THEMIS2: variants seen among roughly 807,000 people sequenced by gnomAD.
THEMIS2 encodes the protein protein THEMIS2.
THEMIS2 carries 29 observed loss-of-function variants against 46.8 expected under a neutral mutation model. The ratio of observed to expected loss-of-function variants is 0.62; its 90% CI spans 0.46 to 0.84. The LOEUF (loss-of-function observed/expected upper bound fraction) is 0.84. THEMIS2 is among the 40% of genes least tolerant of loss of function. The pLI is 0.00. For missense variants in THEMIS2, 698 were observed against 834.7 expected, an observed-to-expected ratio of 0.84 and a Z score of 2.02; for synonymous variants, 335 against 349.1, an observed-to-expected ratio of 0.96 and a Z score of 0.45.
At chr1:27,876,002 C>T (rs1197945280) in intron 1 of THEMIS2, among the ~76,000 whole-genome samples, 1 of 152,012 alleles carries the variant, frequency 6.6e-6, no homozygotes, top group Non-Finnish European at 1.5e-5. Flanking sequence ...GCGCCCAACC[C>T]TCACTTACAC....
In THEMIS2 at chr1:27,885,460, C is replaced by T. The variant is rs757368674; in HGVS notation, c.1876+9C>T. The T allele has an allele frequency of 4.3e-6, 7 of 1,611,890 alleles. No individual in the cohort carries two copies. The Admixed American group carries it at 1.2e-4, about 27-fold the overall frequency. On this transcript the variant is annotated intron_variant, in intron 5 of 5. Transcript: ENST00000373921. ...CCAAAGGCAGGATCTAGGTGAGTCC[C>T]TGTGGGCGCTGCTCACCCTTGTCCT...
intron 4 of THEMIS2, chr1:27,884,959 T>C: frequency 4.6e-6 from 1 of 218,934 alleles, no homozygotes; most frequent in Middle Eastern, 2.0e-3. Flanking sequence ...CACAAGGCTT[T>C]GTGGCTCCTT....
rs2089775728 is a variant in THEMIS2, at chr1:27,886,543, C to T, written c.*621C>T. On this transcript the variant is annotated 3_prime_UTR_variant, in exon 6 of 6. Coordinates refer to ENST00000373921, the MANE Select transcript of THEMIS2 (RefSeq NM_001105556.3). ...ATGAGGAGGAGCCAATTTAAGAAGA[C>T]CCTTATGGAGACCTGAGGCTGCAGA... 6.6e-6 allele frequency: 1 copy of T among 152,224 alleles called. No homozygotes were observed. The highest frequency in any genetic ancestry group is 2.0e-4 in the South Asian group (1 of 4,898). 9.4% of individuals were successfully genotyped at this position (152,224 alleles called of 1,614,324 possible).
At chr1:27,877,576 C>T (rs1288892232) in intron 2 of THEMIS2, among the ~76,000 whole-genome samples, 1 of 152,082 alleles carries the variant, frequency 6.6e-6, no homozygotes, top group East Asian at 2.0e-4. Flanking sequence ...ATCTGCCCGC[C>T]TTGGCCTCCC....
In THEMIS2 at chr1:27,872,610, G is replaced by T; in HGVS notation, c.39G>T (p.Leu13Phe). 1 of 1,483,394 alleles carries T rather than the reference G, an allele frequency of 6.7e-7. No homozygotes were observed. The allele number at this position is 1,483,394 out of a possible 1,614,324, so 91.9% of individuals were successfully genotyped here. A position where few individuals can be genotyped will look rare whatever the true frequency, so the allele number is the denominator to read the frequency against. ...PVPLQDFVRALDPASLPRVLR... is the reference protein window; with the variant it reads ...PVPLQDFVRAFDPASLPRVLR... ...CGCTGCAGGACTTCGTGCGCGCCTTGGACCCCGCCTCCCTCCCGCGCGTGC... is the reference window on the plus strand; with the variant it reads ...CGCTGCAGGACTTCGTGCGCGCCTTTGACCCCGCCTCCCTCCCGCGCGTGC... The change falls in exon 1 of 6, where the codon TTG becomes TTT. Residue 13 changes from leucine to phenylalanine, a missense_variant. Coordinates refer to ENST00000373921, the MANE Select transcript of THEMIS2 (RefSeq NM_001105556.3). The surrounding 1 kb of genome is among the most constrained non-coding windows in gnomAD (Gnocchi z 4.9).
In THEMIS2 at chr1:27,885,409, A is replaced by G. The variant is rs200906638; in HGVS notation, c.1834A>G (p.Arg612Gly). 1.2e-4 allele frequency: 199 copies of G among 1,614,172 alleles called. No individual in the cohort carries two copies. The East Asian group carries it at 4.1e-3, about 33-fold the overall frequency. Residue 612 changes from arginine to glycine, a missense_variant, in exon 5 of 6, where the codon AGG becomes GGG. Transcript: ENST00000373921. ...TACGTACAGCAAGATTCCTGCCCAC[A>G]GGAAGGGCCACAGGCCCGCTAAGCC... ...SSTYSKIPAHRKGHRPAKPQR... is the reference protein window; with the variant it reads ...SSTYSKIPAHGKGHRPAKPQR...
At chr1:27,877,995 C>CA (rs2089610932) in intron 2 of THEMIS2, among the ~76,000 whole-genome samples, 1 of 151,266 alleles carries the variant, frequency 6.6e-6, no homozygotes, top group African/African-American at 2.4e-5. Flanking sequence ...GCTAAAAATA[C>CA]AAAAATTAGC....
In THEMIS2 at chr1:27,886,009, C is replaced by A. The variant is rs2148645880; in HGVS notation, c.*87C>A. 1.5e-6 allele frequency: 2 copies of A among 1,308,314 alleles called. No individual in the cohort carries two copies. Among genetic ancestry groups the A allele is most frequent in the Non-Finnish European group, 2.2e-6 (2 of 908,920 alleles). 81.0% of individuals were successfully genotyped at this position (1,308,314 alleles called of 1,614,324 possible). A position where few individuals can be genotyped will look rare whatever the true frequency, so the allele number is the denominator to read the frequency against. Reference sequence around the variant, plus strand: ...TTTTAAGCCTCTAAAAGACCTCGGGCAAGTCTCACAGAAACTGAGCTGCAG... The same window carrying A: ...TTTTAAGCCTCTAAAAGACCTCGGGAAAGTCTCACAGAAACTGAGCTGCAG... On this transcript the variant is annotated 3_prime_UTR_variant, in exon 6 of 6. Coordinates refer to ENST00000373921, the MANE Select transcript of THEMIS2 (RefSeq NM_001105556.3).
At chr1:27,881,625 C>G (rs367879971) in intron 3 of THEMIS2, among the ~76,000 whole-genome samples, 1 of 151,372 alleles carries the variant, frequency 6.6e-6, no homozygotes, top group Admixed American at 6.6e-5. Context: ...GACAGGAGTT[C>G]GAGACCAGCC....
At position 27,882,852 on chromosome 1, in the gene THEMIS2, G is replaced by C. The variant is rs771374926; in HGVS notation, c.1528G>C (p.Val510Leu). The C allele has an allele frequency of 6.2e-6, 10 of 1,613,764 alleles. No homozygotes were observed. In the East Asian group the frequency reaches 2.2e-4, roughly 36 times the overall value. ...IPPRWLDLTV[V>L]KAKGQPDLPE... ...TCCCCGGTGGCTGGACCTGACTGTT[G>C]TGAAGGCCAAGGGGCAGCCAGACTT... Residue 510 changes from valine (V) to leucine (L), a missense_variant, in exon 4 of 6, where the codon GTG becomes CTG. Coordinates refer to ENST00000373921, the MANE Select transcript of THEMIS2 (RefSeq NM_001105556.3). This position sits in a 1 kb window ranked among gnomAD's most constrained non-coding sequence, Gnocchi z 7.6.
chr1:27,872,613 C>T lies in THEMIS2; in HGVS notation c.42C>T (p.Asp14=), dbSNP rs762667843. ...VPLQDFVRAL[D]PASLPRVLRV... ...TGCAGGACTTCGTGCGCGCCTTGGA[C>T]CCCGCCTCCCTCCCGCGCGTGCTGC... Residue 14 remains aspartate, a synonymous_variant, in exon 1 of 6, where the codon GAC becomes GAT. Coordinates refer to ENST00000373921, the MANE Select transcript of THEMIS2 (RefSeq NM_001105556.3). The surrounding 1 kb of genome is among the most constrained non-coding windows in gnomAD (Gnocchi z 4.9). The T allele has an allele frequency of 6.8e-7, 1 of 1,479,686 alleles. No individual in the cohort carries two copies. The highest frequency in any genetic ancestry group is 9.0e-7 in the Non-Finnish European group (1 of 1,116,008). The allele number at this position is 1,479,686 out of a possible 1,614,324, so 91.7% of individuals were successfully genotyped here. A position where few individuals can be genotyped will look rare whatever the true frequency, so the allele number is the denominator to read the frequency against.
Position 27,885,757 on chromosome 1 carries a change from G to A in THEMIS2, c.1877-110G>A, listed in dbSNP as rs1419738450. On this transcript the variant is annotated intron_variant, in intron 5 of 5. Coordinates refer to ENST00000373921, the MANE Select transcript of THEMIS2 (RefSeq NM_001105556.3). ...CGTGGTTTCTAGGCTAGCAAAGACC[G>A]TAGGGCATCCAGGCCACCTCTTTCC... The A allele has an allele frequency of 3.5e-5, 38 of 1,092,616 alleles. No homozygotes were observed. In the East Asian group the frequency reaches 7.9e-4, roughly 23 times the overall value. The allele number at this position is 1,092,616 out of a possible 1,614,324, so 67.7% of individuals were successfully genotyped here.
At chr1:27,875,801 C>T (rs989661694) in intron 1 of THEMIS2, among the ~76,000 whole-genome samples, 3 of 151,950 alleles carry the variant, frequency 2.0e-5, no homozygotes, top group Admixed American at 2.0e-4. Flanking sequence ...CCCGGGTTCA[C>T]GCCATTCTCC....
At chr1:27,878,646 A>G (rs991466306) in intron 2 of THEMIS2, among the ~76,000 whole-genome samples, 2 of 151,820 alleles carry the variant, frequency 1.3e-5, no homozygotes, top group African/African-American at 4.8e-5. Flanking sequence ...AATTGCAGAC[A>G]TGTTCCCTTT....
At chr1:27,881,129 G>A (rs552584408) in intron 3 of THEMIS2, among the ~76,000 whole-genome samples, 1 of 151,468 alleles carries the variant, frequency 6.6e-6, no homozygotes, top group East Asian at 1.9e-4. Context: ...AATACTTGGA[G>A]GAAAAAAAAT....
In THEMIS2 at chr1:27,872,858, C is replaced by T. The variant is rs61787159; in HGVS notation, c.94+193C>T. 0.081 allele frequency among the ~76,000 whole-genome samples: 12,257 copies of T among 152,246 alleles called. 536 individuals carry two copies. The highest frequency in any genetic ancestry group is 0.1 in the Admixed American group (1,533 of 15,292). On this transcript the variant is annotated intron_variant, in intron 1 of 5. Coordinates refer to ENST00000373921, the MANE Select transcript of THEMIS2 (RefSeq NM_001105556.3). The surrounding 1 kb of genome is among the most constrained non-coding windows in gnomAD (Gnocchi z 4.9). ...GCTTTTGCTTTCGTGGAACGGGGAC[C>T]GCTGACCTGCCCCGCAGGGTAGTGA... is the stretch of plus-strand genomic sequence containing the variant.
intron 1 of THEMIS2, among the ~76,000 whole-genome samples, chr1:27,873,980 G>A (rs898636520): frequency 1.3e-5 from 2 of 151,458 alleles, no homozygotes; most frequent in Admixed American, 1.3e-4. Flanking sequence ...GGCTGGCTGC[G>A]TGGTTGGTTA....
chr1:27,883,832 TCCTA>T (rs1487142669), intron 4 of THEMIS2: 1 of 152,176 alleles, frequency 6.6e-6, no homozygotes, highest in African/African-American at 2.4e-5. Flanking sequence ...TTTTAGTGAG[TCCTA>T]CCTGAGTCTC....
intron 2 of THEMIS2, among the ~76,000 whole-genome samples, chr1:27,879,360 T>C (rs2089638534): frequency 6.6e-6 from 1 of 152,064 alleles, no homozygotes; most frequent in Non-Finnish European, 1.5e-5. Context: ...CTAGTGTGTC[T>C]GTCAGGGAAT....
Sources: allele counts gnomAD v4.1 joint callset (sites outside exome capture counted in the v4.1 genomes callset), GRCh38; gene constraint gnomAD v4.1.1; non-coding constraint Gnocchi (gnomAD v3.1); transcripts MANE v1.5; gene names NCBI Gene and HGNC (gene_info 2026-07-23, HGNC 2026-07-21).